Variants in GRIK4 observed in about 807,000 individuals in gnomAD.
GRIK4 encodes the protein glutamate ionotropic receptor kainate type subunit 4.
In GRIK4, 40 loss-of-function variants were observed where a neutral mutation model predicts 104.9. That is an observed-to-expected ratio of 0.38 (90% confidence interval 0.30 to 0.50). The LOEUF is 0.50. Ranked by LOEUF, GRIK4 falls within the 20% of genes least tolerant of loss-of-function variation. The pLI is 0.93. For missense variants in GRIK4, 1,047 were observed against 1,308.1 expected, an observed-to-expected ratio of 0.80 and a Z score of 3.08; for synonymous variants, 485 against 524.9, an observed-to-expected ratio of 0.92 and a Z score of 1.04.
Position 120,875,225 on chromosome 11 carries a change from A to G in GRIK4, c.1146A>G (p.Thr382=). The G allele has an allele frequency of 1.2e-6, 2 of 1,612,018 alleles. No individual in the cohort carries two copies. The highest frequency in any genetic ancestry group is 8.5e-7 in the Non-Finnish European group (1 of 1,178,062). The change falls in exon 11 of 21, where the codon ACA becomes ACG. Residue 382 remains threonine, a synonymous_variant. Transcript: ENST00000527524. ...SNYALKILQF[T]RNGFRQIGQW... Reference sequence around the variant, plus strand: ...ACGCTTTGAAAATCTTACAGTTCACAAGGAATGGTTTTCGGCAGGTAAGCC... The same window carrying G: ...ACGCTTTGAAAATCTTACAGTTCACGAGGAATGGTTTTCGGCAGGTAAGCC...
intron 1 of GRIK4, among the ~76,000 whole-genome samples, chr11:120,566,781 G>T (rs1187565669): frequency 6.8e-6 from 1 of 148,054 alleles, no homozygotes; most frequent in African/African-American, 2.5e-5. Flanking sequence ...TTGGCTCACT[G>T]CAAGCTCCAC....
intron 4 of GRIK4, 56 bp from the exon 5 acceptor site, chr11:120,815,322 C>A: frequency 9.5e-7 from 1 of 1,052,686 alleles, no homozygotes; most frequent in Non-Finnish European, 1.4e-6. Flanking sequence ...GGCCATGGCG[C>A]AAGCCCGACC....
chr11:120,621,996 G>A (rs567442594), intron 1 of GRIK4, among the ~76,000 whole-genome samples: 2 of 152,136 alleles, frequency 1.3e-5, no homozygotes, highest in South Asian at 2.1e-4. Flanking sequence ...CACCTCCTGG[G>A]TTCAAGCGAT....
intron 6 of GRIK4, among the ~76,000 whole-genome samples, chr11:120,824,535 T>G (rs1953205026): frequency 6.6e-6 from 1 of 150,954 alleles, no homozygotes. Flanking sequence ...TTTTTTTTCC[T>G]TCTTTTTTTT....
chr11:120,815,897 G>A (rs765261886), intron 5 of GRIK4, among the ~76,000 whole-genome samples: 13 of 152,262 alleles, frequency 8.5e-5, no homozygotes, highest in East Asian at 1.9e-4. Context: ...GAATGCCTTC[G>A]GGGAAGGCAT....
chr11:120,897,154 A>T (rs1029934920), intron 11 of GRIK4, among the ~76,000 whole-genome samples: 8 of 152,090 alleles, frequency 5.3e-5, no homozygotes, highest in African/African-American at 1.7e-4. Context: ...ATGTCTTATT[A>T]AAAAAATTAA....
chr11:120,965,724 G>A (rs1440535194), intron 18 of GRIK4, among the ~76,000 whole-genome samples: 2 of 152,172 alleles, frequency 1.3e-5, no homozygotes, highest in African/African-American at 2.4e-5. Context: ...TGTGGTCCAC[G>A]ACCCAGCAGC....
intron 1 of GRIK4, chr11:120,620,410 C>T (rs1256016760): frequency 1.9e-6 from 1 of 516,034 alleles, no homozygotes; most frequent in African/African-American, 1.9e-5. Context: ...GCTACCATAA[C>T]CCAGTCCCCA....
chr11:120,889,844 T>G (rs556359486), intron 11 of GRIK4, among the ~76,000 whole-genome samples: 3 of 152,226 alleles, frequency 2.0e-5, no homozygotes, highest in African/African-American at 7.2e-5. Context: ...CCTCAGGTAA[T>G]CCGCCTGCCT....
chr11:120,635,620 G>T (rs1222396508), intron 1 of GRIK4, among the ~76,000 whole-genome samples: 1 of 152,234 alleles, frequency 6.6e-6, no homozygotes, highest in African/African-American at 2.4e-5. Context: ...TTAATCGGAT[G>T]CTTTCCTGTT....
At chr11:120,645,875 G>A (rs1369704258) in intron 1 of GRIK4, among the ~76,000 whole-genome samples, 1 of 152,186 alleles carries the variant, frequency 6.6e-6, no homozygotes, top group African/African-American at 2.4e-5. Context: ...CAAGTTCCGG[G>A]CAATTACCCT....
Position 120,952,791 on chromosome 11 carries a change from G to T in GRIK4, c.1591-64G>T. On this transcript the variant is annotated intron_variant, in intron 14 of 20. Coordinates refer to ENST00000527524, the MANE Select transcript of GRIK4 (RefSeq NM_014619.5). This position sits in a 1 kb window ranked among gnomAD's most constrained non-coding sequence, Gnocchi z 5.2. ...CTCACTACCTCCTCTACCCCGCCCT[G>T]CCTGCCCCAAGGTCATGTTGACTGA... The T allele has an allele frequency of 8.9e-7, 1 of 1,126,156 alleles. No homozygotes were observed. 69.8% of individuals were successfully genotyped at this position (1,126,156 alleles called of 1,614,324 possible).
At chr11:120,656,839 G>A (rs1949718444) in intron 2 of GRIK4, among the ~76,000 whole-genome samples, 1 of 152,166 alleles carries the variant, frequency 6.6e-6, no homozygotes, top group African/African-American at 2.4e-5. Flanking sequence ...GAGCGACAGA[G>A]CAAGACTCTG....
Position 120,852,972 on chromosome 11 carries a change from G to A in GRIK4, c.745-8987G>A, listed in dbSNP as rs538170122. On this transcript the variant is annotated intron_variant, in intron 8 of 20. Transcript: ENST00000527524. ...TGAGATGAGGCACAGCCTGACAAGT[G>A]CTGCCTTCCTAAATGTTTTTAGTCA... 7.9e-5 allele frequency among the ~76,000 whole-genome samples: 12 copies of A among 152,332 alleles called. No homozygotes were observed. The South Asian group carries it at 2.1e-3, about 26-fold the overall frequency.
chr11:120,863,885 C>G (rs1449976684), intron 9 of GRIK4, among the ~76,000 whole-genome samples: 1 of 152,152 alleles, frequency 6.6e-6, no homozygotes, highest in Non-Finnish European at 1.5e-5. Flanking sequence ...CTAAGGAGGT[C>G]AGAGCTCATG....
At chr11:120,911,271 C>T (rs1325971244) in intron 13 of GRIK4, among the ~76,000 whole-genome samples, 1 of 148,546 alleles carries the variant, frequency 6.7e-6, no homozygotes, top group East Asian at 2.0e-4. Context: ...CGGAGTTTCA[C>T]TCTGTCACCC....
chr11:120,638,578 C>T lies in GRIK4; in HGVS notation c.-158-15107C>T, dbSNP rs549009934. ...CTGCAAGCTCCGCCTCCTGGGTTCA[C>T]GCCATTCTCCTGCCTCAGCCTCTCA... On this transcript the variant is annotated intron_variant, in intron 1 of 20. Coordinates refer to ENST00000527524, the MANE Select transcript of GRIK4 (RefSeq NM_014619.5). Among the ~76,000 whole-genome samples the T allele has an allele frequency of 1.3e-3, 202 of 151,824 alleles. 1 individual carries two copies. The highest frequency in any genetic ancestry group is 2.0e-3 in the Non-Finnish European group (136 of 67,904).
chr11:120,945,219 C>G (rs1014897427), intron 14 of GRIK4, among the ~76,000 whole-genome samples: 11 of 152,214 alleles, frequency 7.2e-5, no homozygotes, highest in African/African-American at 2.7e-4. Flanking sequence ...AGCTAACGAA[C>G]TCTTTCCTGG....
chr11:120,907,167 G>A (rs766613562), intron 13 of GRIK4, among the ~76,000 whole-genome samples: 3 of 152,218 alleles, frequency 2.0e-5, no homozygotes, highest in South Asian at 2.1e-4. Context: ...CTGTGAAGGT[G>A]CAGCTCAGTA....
Sources: gnomAD v4.1 joint callset for allele counts (sites outside exome capture counted in the v4.1 genomes callset) on GRCh38, gnomAD v4.1.1 for gene constraint, Gnocchi (gnomAD v3.1) non-coding constraint, MANE v1.5 for transcripts, NCBI Gene and HGNC (gene_info 2026-07-23, HGNC 2026-07-21) for gene names.